Variants in CHRNB4 observed in about 807,000 individuals in gnomAD.
CHRNB4 encodes neuronal acetylcholine receptor subunit beta-4.
In CHRNB4, 23 loss-of-function variants were observed where a neutral mutation model predicts 40.4. That is an observed-to-expected ratio of 0.57 (90% CI 0.41 to 0.81). The LOEUF (loss-of-function observed/expected upper bound fraction) is 0.81, where lower values mean the gene tolerates loss of function less well. Ranked by LOEUF, CHRNB4 falls within the 30% of genes least tolerant of loss-of-function variation. CHRNB4 has a pLI of 0.00. For missense variants in CHRNB4, 568 were observed against 670.6 expected, an observed-to-expected ratio of 0.85 and a Z score of 1.69; for synonymous variants, 285 against 274.4, an observed-to-expected ratio of 1.04 and a Z score of -0.38.
At chr15:78,643,914 C>G (rs2054102013), upstream of CHRNB4, among the ~76,000 whole-genome samples, 1 of 150,992 alleles carries the variant, frequency 6.6e-6, no homozygotes, top group South Asian at 2.1e-4. Flanking sequence ...CTTTGGGAGG[C>G]TGAGGCGGGC....
intron 7 of CHRNB4, among the ~76,000 whole-genome samples, chr15:78,648,860 C>T (rs1247849916): frequency 6.6e-6 from 1 of 152,040 alleles, no homozygotes; most frequent in Non-Finnish European, 1.5e-5. Context: ...CTCACTGCTG[C>T]ATCAACCTCC....
chr15:78,632,808 A>G (rs2053862126), intron 2 of CHRNB4, among the ~76,000 whole-genome samples: 1 of 152,050 alleles, frequency 6.6e-6, no homozygotes, highest in Non-Finnish European at 1.5e-5. Flanking sequence ...ACCATAATCC[A>G]TGTCTCACCT....
At chr15:78,658,059 GTC>G (rs2054228694) in intron 2 of CHRNB4, among the ~76,000 whole-genome samples, 1 of 124,552 alleles carries the variant, frequency 8.0e-6, no homozygotes, top group Admixed American at 9.0e-5. Context: ...TTGAGAAGGA[GTC>G]TCACTGTTGC....
At chr15:78,651,741 G>A (rs1469924323) in intron 6 of CHRNB4, among the ~76,000 whole-genome samples, 1 of 152,204 alleles carries the variant, frequency 6.6e-6, no homozygotes, top group Non-Finnish European at 1.5e-5. Context: ...GGTGTAAGCG[G>A]CAAGTGCTCT....
intron 2 of CHRNB4, chr15:78,634,734 C>T (rs1292741237): frequency 4.4e-6 from 2 of 456,010 alleles, no homozygotes; most frequent in Non-Finnish European, 8.8e-6. Context: ...GGACGGAGTT[C>T]TAACCCTGTG....
Position 78,635,509 on chromosome 15 carries a change from C to A in CHRNB4, c.134G>T (p.Arg45Leu). The A allele has an allele frequency of 1.9e-6, 3 of 1,614,090 alleles. No individual in the cohort carries two copies. The highest frequency in any genetic ancestry group is 2.5e-6 in the Non-Finnish European group (3 of 1,180,018). The change falls in exon 2 of 6, where the codon CGC becomes CTC. Residue 45 changes from arginine to leucine, a missense_variant. By Grantham distance (102) the Arg-to-Leu change is moderately radical. Around this residue, in one of 4 missense-constraint regions of CHRNB4, gnomAD observed 161 missense variants for 148.1 expected, o/e 1.09. Transcript: ENST00000261751. ...GAGCTGTGAGGAGCTGGTGGCTGGG[C>A]GGATCAGGTTATTGTAACGGGTTTT... ...LNKTRYNNLI[R>L]PATSSSQLIS...
chr15:78,660,004 C>T (rs1428114647), intron 1 of CHRNB4, among the ~76,000 whole-genome samples: 1 of 151,926 alleles, frequency 6.6e-6, no homozygotes, highest in African/African-American at 2.4e-5. Context: ...GCCAGGAGTT[C>T]AAGACCAGCC....
intron 4 of CHRNB4, 40 bp downstream of exon 4, chr15:78,631,036 G>A (rs766251392): frequency 6.5e-7 from 1 of 1,530,170 alleles, no homozygotes; most frequent in South Asian, 1.1e-5. Context: ...TGCTGCCCTG[G>A]CCTGGCTGTC....
chr15:78,648,912 G>A (rs1243336256), intron 7 of CHRNB4, among the ~76,000 whole-genome samples: 5 of 152,068 alleles, frequency 3.3e-5, no homozygotes, highest in Admixed American at 2.6e-4. Context: ...CCAAGTAGCT[G>A]AGACCACAAC....
intron 2 of CHRNB4, among the ~76,000 whole-genome samples, chr15:78,632,625 T>C (rs2053858439): frequency 6.6e-6 from 1 of 152,134 alleles, no homozygotes; most frequent in Non-Finnish European, 1.5e-5. Flanking sequence ...TATTTTTTTT[T>C]CGTAGCATTT....
chr15:78,655,448 CTATA>C (rs113114018), intron 5 of CHRNB4: 12 of 118,032 alleles, frequency 1.0e-4, no homozygotes, highest in South Asian at 6.9e-4. Flanking sequence ...ATATCTATAT[CTATA>C]TATATCTATA....
At chr15:78,647,458 T>A (rs2054131481) in intron 7 of CHRNB4, among the ~76,000 whole-genome samples, 2 of 150,804 alleles carry the variant, frequency 1.3e-5, no homozygotes, top group South Asian at 4.2e-4. Context: ...TAGGAAGAGG[T>A]TTACCATGGA....
At chr15:78,649,525 C>G (rs2054154282) in intron 6 of CHRNB4, 1 of 352,602 alleles carries the variant, frequency 2.8e-6, no homozygotes, top group Non-Finnish European at 5.6e-6. Context: ...GCAACAGAGA[C>G]CATATGTTGC....
intron 1 of CHRNB4, among the ~76,000 whole-genome samples, chr15:78,637,798 A>G (rs761750257): frequency 6.6e-6 from 1 of 152,134 alleles, no homozygotes; most frequent in Non-Finnish European, 1.5e-5. Flanking sequence ...AGATGCTCCT[A>G]GTGCACCTGC....
chr15:78,658,861 G>A lies in CHRNB4; in HGVS notation c.-850-492C>T, dbSNP rs78767062. Among the ~76,000 whole-genome samples the A allele has an allele frequency of 7.2e-5, 11 of 152,326 alleles. No individual in the cohort carries two copies. The East Asian group carries it at 2.1e-3, about 29-fold the overall frequency. ...AGAAATTCTAATTCATGCATCTGAAGGAGAGGAGATGCCTGAAAACCTCTG... is the reference window on the plus strand; with the variant it reads ...AGAAATTCTAATTCATGCATCTGAAAGAGAGGAGATGCCTGAAAACCTCTG... On this transcript the variant is annotated intron_variant and NMD_transcript_variant, in intron 1 of 11. Coordinates refer to the CHRNB4 transcript ENST00000559849.
chr15:78,651,947 A>G (rs1436726032), intron 6 of CHRNB4, among the ~76,000 whole-genome samples: 1 of 152,252 alleles, frequency 6.6e-6, no homozygotes, highest in African/African-American at 2.4e-5. Flanking sequence ...CTCTTAGGAC[A>G]GGTGGTGAGG....
chr15:78,642,342 T>C (rs780527923), upstream of CHRNB4, among the ~76,000 whole-genome samples: 6 of 152,306 alleles, frequency 3.9e-5, no homozygotes, highest in Admixed American at 6.5e-5. Context: ...AATAAAGACA[T>C]GGCAAGGCTG....
upstream of CHRNB4, among the ~76,000 whole-genome samples, chr15:78,644,571 T>C (rs915072781): frequency 6.6e-6 from 1 of 152,124 alleles, no homozygotes; most frequent in African/African-American, 2.4e-5. Context: ...AATAAACTTC[T>C]GTTGTTTGTA....
chr15:78,625,330 A>G, intron 5 of CHRNB4, 39 bp from the exon 6 acceptor site: 1 of 1,509,632 alleles, frequency 6.6e-7, no homozygotes, highest in East Asian at 2.3e-5. Flanking sequence ...GGTGCCAAGT[A>G]CTGGGGTCCC....
Sources: gnomAD v4.1 joint callset for allele counts (sites outside exome capture counted in the v4.1 genomes callset) on GRCh38, gnomAD v4.1.1 for gene constraint, gnomAD v4.1.1 regional missense constraint, MANE v1.5 for transcripts, NCBI Gene and HGNC (gene_info 2026-07-23, HGNC 2026-07-21) for gene names.